Variants in KDM3B observed in about 807,000 individuals in gnomAD.
KDM3B encodes lysine demethylase 3B, also known as lysine-specific demethylase 3B.
Under a neutral mutation model 170.0 loss-of-function variants are expected in KDM3B, and 10 were observed. The observed-to-expected ratio is 0.06, with a 90% confidence interval of 0.04 to 0.10. KDM3B has a LOEUF of 0.10. Among genes scored for constraint, KDM3B ranks in the 10% least tolerant of loss-of-function variants. KDM3B has a pLI of 1.00. For missense variants in KDM3B, 1,394 were observed against 2,195.2 expected (o/e 0.64, Z 7.29); for synonymous variants, 831 against 834.8 (o/e 1.00, Z 0.08).
At chr5:138,410,136 A>G (rs1762925215) in intron 11 of KDM3B, among the ~76,000 whole-genome samples, 1 of 152,160 alleles carries the variant, frequency 6.6e-6, no homozygotes, top group African/African-American at 2.4e-5. Context: ...TTGAATACTA[A>G]GACGTCACTT....
At chr5:138,417,031 G>A (rs1289264023) in intron 12 of KDM3B, among the ~76,000 whole-genome samples, 1 of 152,172 alleles carries the variant, frequency 6.6e-6, no homozygotes, top group Non-Finnish European at 1.5e-5. Context: ...ATGTTGGCCA[G>A]GTTGGCCTCA....
chr5:138,406,742 A>T (rs1052662490), intron 11 of KDM3B, among the ~76,000 whole-genome samples: 1 of 152,112 alleles, frequency 6.6e-6, no homozygotes, highest in Non-Finnish European at 1.5e-5. Flanking sequence ...TGAAAAAGAG[A>T]AGGTACAGTT....
Position 138,391,362 on chromosome 5 carries a change from C to A in KDM3B, c.1730C>A (p.Thr577Lys), listed in dbSNP as rs753992557. The A allele has an allele frequency of 1.2e-6, 2 of 1,614,054 alleles. No individual in the cohort carries two copies. The highest frequency in any genetic ancestry group is 1.3e-5 in the African/African-American group (1 of 74,922). Residue 577 changes from threonine to lysine, a missense_variant, in exon 8 of 24, where the codon ACA becomes AAA. Around this residue, in one of 19 missense-constraint regions of KDM3B, gnomAD observed 294 missense variants for 311.7 expected, o/e 0.94. Coordinates refer to ENST00000314358, the MANE Select transcript of KDM3B (RefSeq NM_016604.4). This position sits in a 1 kb window ranked among gnomAD's most constrained non-coding sequence, Gnocchi z 5.0. ...TGTAAAGGCAGATCCGTTCTTGGAA[C>A]AGACACTAAGCCAGGCTCTAAGGCT... ...GLCKGRSVLG[T>K]DTKPGSKAGS...
chr5:138,386,053 A>G lies in KDM3B; in HGVS notation c.812A>G (p.Lys271Arg), dbSNP rs1363709196. ...GGTLKAVKSSKGKKKRESIEG... is the reference protein window; with the variant it reads ...GGTLKAVKSSRGKKKRESIEG... ...ACGTTAAAAGCAGTAAAATCTTCCA[A>G]AGGAAAGAAGAAGAGAGAAAGCATA... The change falls in exon 7 of 24, where the codon AAA (lysine) becomes AGA (arginine). Residue 271 changes from lysine to arginine, a missense_variant. Lys to Arg is a conservative substitution (Grantham distance 26). Around this residue, in one of 19 missense-constraint regions of KDM3B, gnomAD observed 166 missense variants for 216.4 expected, o/e 0.77. Transcript: ENST00000314358. The G allele has an allele frequency of 1.9e-6, 3 of 1,607,648 alleles. No homozygotes were observed. The highest frequency in any genetic ancestry group is 2.2e-5 in the South Asian group (2 of 90,156).
chr5:138,391,362 C>G lies in KDM3B; in HGVS notation c.1730C>G (p.Thr577Arg). The G allele has an allele frequency of 6.2e-7, 1 of 1,614,172 alleles. No homozygotes were observed. The highest frequency in any genetic ancestry group is 8.5e-7 in the Non-Finnish European group (1 of 1,180,020). The change falls in exon 8 of 24, where the codon ACA becomes AGA. Residue 577 changes from threonine (T) to arginine (R), a missense_variant. Physicochemically the swap from Thr to Arg is moderately conservative, Grantham distance 71. This residue lies in a region of KDM3B where 294 missense variants were observed against 311.7 expected (regional missense o/e 0.94). Coordinates refer to ENST00000314358, the MANE Select transcript of KDM3B (RefSeq NM_016604.4). This position sits in a 1 kb window ranked among gnomAD's most constrained non-coding sequence, Gnocchi z 5.0. ...GLCKGRSVLG[T>R]DTKPGSKAGS... ...TGTAAAGGCAGATCCGTTCTTGGAA[C>G]AGACACTAAGCCAGGCTCTAAGGCT... is the stretch of plus-strand genomic sequence containing the variant.
At chr5:138,356,374 C>G (rs1761448255) in intron 1 of KDM3B, among the ~76,000 whole-genome samples, 1 of 152,164 alleles carries the variant, frequency 6.6e-6, no homozygotes, top group African/African-American at 2.4e-5. Flanking sequence ...TTTCTCTTTA[C>G]CCTTGCCTTC....
chr5:138,398,156 C>A, intron 9 of KDM3B, 22 bp from the exon 10 acceptor site: 1 of 1,578,280 alleles, frequency 6.3e-7, no homozygotes, highest in Non-Finnish European at 8.7e-7. Context: ...TGCGATTTAC[C>A]ATGTATTTGA....
intron 14 of KDM3B, among the ~76,000 whole-genome samples, chr5:138,419,766 C>CACAT (rs1371751932): frequency 8.3e-5 from 11 of 132,082 alleles, no homozygotes; most frequent in South Asian, 7.0e-4. Flanking sequence ...CACACACACA[C>CACAT]ATATATATGA....
intron 9 of KDM3B, chr5:138,397,909 C>G (rs2126959342): frequency 3.7e-6 from 1 of 272,412 alleles, no homozygotes; most frequent in Non-Finnish European, 6.8e-6. Context: ...TATCTGGTCA[C>G]ATTCAGCAGT....
chr5:138,426,053 C>T (rs1473988181), intron 17 of KDM3B, among the ~76,000 whole-genome samples: 1 of 152,152 alleles, frequency 6.6e-6, no homozygotes, highest in Non-Finnish European at 1.5e-5. Flanking sequence ...GGTGGGGGAA[C>T]ATTCTGCCCT....
intron 1 of KDM3B, among the ~76,000 whole-genome samples, chr5:138,358,302 CTTTCTTTTTTT>C (rs1030629001): frequency 9.1e-6 from 1 of 109,804 alleles, no homozygotes; most frequent in African/African-American, 3.4e-5. Context: ...TTCTTTCTTT[CTTTCTTTTTTT>C]TTTTTTTTTG....
intron 7 of KDM3B, among the ~76,000 whole-genome samples, chr5:138,389,585 C>A (rs1344759496): frequency 6.6e-6 from 1 of 152,110 alleles, no homozygotes; most frequent in Non-Finnish European, 1.5e-5. Context: ...AAGGAAAACT[C>A]CATATCCATT....
chr5:138,361,020 C>T (rs1296207892), intron 1 of KDM3B, among the ~76,000 whole-genome samples: 1 of 152,072 alleles, frequency 6.6e-6, no homozygotes, highest in Non-Finnish European at 1.5e-5. Context: ...TATTTAGTTC[C>T]CCTTCCACCA....
In KDM3B at chr5:138,397,943, G is replaced by A. The variant is rs1211657246; in HGVS notation, c.2832-235G>A. ...GTATGGGTGCAGGTGTAGAACAGGT[G>A]AATGGAAAAACTAAGAGGAACTCTG... On this transcript the variant is annotated intron_variant, in intron 9 of 23. Coordinates refer to ENST00000314358, the MANE Select transcript of KDM3B (RefSeq NM_016604.4). 3.9e-5 allele frequency: 16 copies of A among 409,048 alleles called. No individual in the cohort carries two copies. In the East Asian group the frequency reaches 6.8e-4, roughly 17 times the overall value. 25.3% of individuals were successfully genotyped at this position (409,048 alleles called of 1,614,324 possible).
chr5:138,433,334 G>C (rs988851795), intron 23 of KDM3B, among the ~76,000 whole-genome samples: 1 of 149,928 alleles, frequency 6.7e-6, no homozygotes, highest in Non-Finnish European at 1.5e-5. Flanking sequence ...GGCAGGTCTT[G>C]AACTCCTGAC....
chr5:138,409,877 T>C (rs7715590), intron 11 of KDM3B, among the ~76,000 whole-genome samples: 149,730 of 152,264 alleles, frequency 0.98, 73,696 homozygotes, highest in East Asian at 1. Flanking sequence ...CACCTGAGGT[T>C]GGGAGTTCGA....
rs181733489 is a variant in KDM3B, at chr5:138,415,076, G to T, written c.3200-56G>T. ...TTGGGGTTCTGAAACTCCATTCACT[G>T]AGAAGGATCCATTTTTGTGACCCTT... On this transcript the variant is annotated intron_variant, in intron 11 of 23. Coordinates refer to ENST00000314358, the MANE Select transcript of KDM3B (RefSeq NM_016604.4). 7.5e-5 allele frequency: 93 copies of T among 1,243,000 alleles called. No individual in the cohort carries two copies. In the East Asian group the frequency reaches 2.0e-3, roughly 26 times the overall value. The allele number at this position is 1,243,000 out of a possible 1,614,324, so 77.0% of individuals were successfully genotyped here.
rs1016828848 is a variant in KDM3B, at chr5:138,358,760, T to TTTTA, written c.192+5793_192+5796dup. Among the ~76,000 whole-genome samples, 485 of 150,054 alleles carry TTTTA rather than the reference T, an allele frequency of 3.2e-3. 4 individuals carry two copies. Among genetic ancestry groups the TTTTA allele is most frequent in the South Asian group, 0.013 (61 of 4,770 alleles). On this transcript the variant is annotated intron_variant, in intron 1 of 23. Coordinates refer to ENST00000314358, the MANE Select transcript of KDM3B (RefSeq NM_016604.4). ...CAGGTGCACAACATGATTCTCAGCT[T>TTTTA]TTTATTTATTTATTTATTTATTTTT...
At chr5:138,412,480 C>T (rs987182216) in intron 11 of KDM3B, among the ~76,000 whole-genome samples, 4 of 152,044 alleles carry the variant, frequency 2.6e-5, no homozygotes, top group Non-Finnish European at 5.9e-5. Context: ...ACGGAGACCT[C>T]ATCTCTACAA....
Sources: gnomAD v4.1 joint callset for allele counts (sites outside exome capture counted in the v4.1 genomes callset) on GRCh38, gnomAD v4.1.1 for gene constraint, gnomAD v4.1.1 regional missense constraint, Gnocchi (gnomAD v3.1) non-coding constraint, MANE v1.5 for transcripts, NCBI Gene and HGNC (gene_info 2026-07-23, HGNC 2026-07-21) for gene names.